Variants in PDE4D observed in about 807,000 individuals in gnomAD.
PDE4D encodes the protein phosphodiesterase 4D, also known as 3',5'-cyclic-AMP phosphodiesterase 4D.
PDE4D carries 24 observed loss-of-function variants against 87.4 expected under a neutral mutation model. That is an observed-to-expected ratio of 0.27 (90% CI 0.20 to 0.39). The LOEUF is 0.39. Ranked by LOEUF, PDE4D falls within the 10% of genes least tolerant of loss-of-function variation. The probability of loss-of-function intolerance (pLI) is 1.00; values close to 1 mark genes in which losing one functional copy is unlikely to be tolerated. For synonymous variants in PDE4D, 384 were observed against 383.2 expected (o/e 1.00, Z -0.02); for missense variants, 714 against 1,041.0 (o/e 0.69, Z 4.32).
intron 1 of PDE4D, among the ~76,000 whole-genome samples, chr5:59,288,646 AG>A (rs1285423777): frequency 4.6e-5 from 7 of 152,124 alleles, no homozygotes; most frequent in Admixed American, 2.0e-4. Context: ...GACTAGCTCA[AG>A]GCATTCAATA....
At chr5:59,553,568 T>G (rs294478) in intron 1 of PDE4D, among the ~76,000 whole-genome samples, 129,256 of 152,118 alleles carry the variant, frequency 0.85, 55,151 homozygotes, top group South Asian at 0.91. Flanking sequence ...CTCCTCAACT[T>G]TCTCCATTCT....
chr5:59,336,128 T>C (rs1051496212), intron 1 of PDE4D, among the ~76,000 whole-genome samples: 2 of 152,190 alleles, frequency 1.3e-5, no homozygotes, highest in African/African-American at 4.8e-5. Flanking sequence ...AGGAAGTTAA[T>C]TGAATCTCTG....
chr5:59,743,240 A>T (rs1422165252), intron 1 of PDE4D, among the ~76,000 whole-genome samples: 1 of 152,214 alleles, frequency 6.6e-6, no homozygotes, highest in Non-Finnish European at 1.5e-5. Context: ...AAGTAAAAAA[A>T]GATTTAAGAA....
chr5:59,690,788 C>T (rs1290239386), intron 1 of PDE4D, among the ~76,000 whole-genome samples: 1 of 152,198 alleles, frequency 6.6e-6, no homozygotes, highest in African/African-American at 2.4e-5. Context: ...AGGCAACCTA[C>T]AGAATGGGAG....
In PDE4D at chr5:58,971,642, C is replaced by T. The variant is rs1219421821; in HGVS notation, c.*3022G>A. On this transcript the variant is annotated 3_prime_UTR_variant, in exon 15 of 15. Coordinates refer to ENST00000340635, the MANE Select transcript of PDE4D (RefSeq NM_001104631.2). ...CCTTGTCTGTAATTTGTTCTATCTACATTATTGTGAATTTTAACTGATATA... is the reference window on the plus strand; with the variant it reads ...CCTTGTCTGTAATTTGTTCTATCTATATTATTGTGAATTTTAACTGATATA... 6.6e-6 allele frequency: 1 copy of T among 152,506 alleles called. No individual in the cohort carries two copies. Among genetic ancestry groups the T allele is most frequent in the Non-Finnish European group, 1.5e-5 (1 of 68,004 alleles). 9.4% of individuals were successfully genotyped at this position (152,506 alleles called of 1,614,324 possible). A position where few individuals can be genotyped will look rare whatever the true frequency, so the allele number is the denominator to read the frequency against.
intron 2 of PDE4D, among the ~76,000 whole-genome samples, chr5:60,130,382 T>G (rs1348383750): frequency 6.6e-6 from 1 of 152,140 alleles, no homozygotes; most frequent in Admixed American, 6.5e-5. Flanking sequence ...TCAGGCAAGT[T>G]CAAAGGACAT....
At chr5:59,060,288 C>T (rs1156751565) in intron 5 of PDE4D, among the ~76,000 whole-genome samples, 1 of 152,082 alleles carries the variant, frequency 6.6e-6, no homozygotes, top group Non-Finnish European at 1.5e-5. Flanking sequence ...CCATATTAAC[C>T]TCGGACTGCC....
At chr5:59,586,845 A>C in intron 1 of PDE4D, 6 of 985,482 alleles carry the variant, frequency 6.1e-6, no homozygotes, top group Non-Finnish European at 7.2e-6. Context: ...TTGCTTTGCC[A>C]TGCTGTCCTT....
chr5:59,882,715 T>C (rs527908084), intron 1 of PDE4D, among the ~76,000 whole-genome samples: 1 of 151,884 alleles, frequency 6.6e-6, no homozygotes, highest in African/African-American at 2.4e-5. Context: ...GACAATGGGG[T>C]GTTCATGTCA....
intron 1 of PDE4D, among the ~76,000 whole-genome samples, chr5:59,539,931 T>C (rs1279072622): frequency 6.6e-6 from 1 of 152,154 alleles, no homozygotes; most frequent in Non-Finnish European, 1.5e-5. Context: ...CTAGTTTAGT[T>C]AGTGTACATC....
At position 58,977,206 on chromosome 5, in the gene PDE4D, T is replaced by A; in HGVS notation, c.1692A>T (p.Lys564Asn). ...AGCTACTTACGATGTCAATGACCAT[T>A]TTCCTTAAAGATTGTCTTTGTTTTT... is the stretch of plus-strand genomic sequence containing the variant. ...LTKKQRQSLR[K>N]MVIDIVLATD... is the part of the protein sequence containing the mutation. Residue 564 changes from lysine (K) to asparagine (N), a missense_variant, in exon 12 of 15, where the codon AAA becomes AAT. Lys to Asn is a moderately conservative substitution (Grantham distance 94). Around this residue, in one of 7 missense-constraint regions of PDE4D, gnomAD observed 26 missense variants for 96.9 expected, o/e 0.27. Transcript: ENST00000340635. 6 of 1,610,314 alleles carry A rather than the reference T, an allele frequency of 3.7e-6. No homozygotes were observed. Among genetic ancestry groups the A allele is most frequent in the Non-Finnish European group, 5.1e-6 (6 of 1,178,956 alleles).
At chr5:60,466,066 G>A (rs1237139291) in intron 1 of PDE4D, among the ~76,000 whole-genome samples, 2 of 152,138 alleles carry the variant, frequency 1.3e-5, no homozygotes, top group South Asian at 2.1e-4. Flanking sequence ...CGAAACTCTA[G>A]GAACAAATGG....
intron 1 of PDE4D, among the ~76,000 whole-genome samples, chr5:59,822,018 C>T (rs1769741171): frequency 6.6e-6 from 1 of 152,012 alleles, no homozygotes; most frequent in Non-Finnish European, 1.5e-5. Flanking sequence ...TATTCCCAAT[C>T]GTTATAAATA....
At chr5:59,095,805 A>C (rs1769596576) in intron 5 of PDE4D, among the ~76,000 whole-genome samples, 1 of 152,226 alleles carries the variant, frequency 6.6e-6, no homozygotes, top group African/African-American at 2.4e-5. Flanking sequence ...AAATAATTAT[A>C]AGAATCATTC....
chr5:60,120,653 G>C (rs1489916314), intron 2 of PDE4D, among the ~76,000 whole-genome samples: 2 of 152,172 alleles, frequency 1.3e-5, no homozygotes, highest in Non-Finnish European at 2.9e-5. Context: ...GTTCCTAAGA[G>C]AGTATTGCAG....
At chr5:60,384,956 C>T (rs1240853746) in intron 1 of PDE4D, among the ~76,000 whole-genome samples, 2 of 152,168 alleles carry the variant, frequency 1.3e-5, no homozygotes, top group East Asian at 3.8e-4. Context: ...AAACCTAAAC[C>T]TTGAATCATC....
intron 2 of PDE4D, among the ~76,000 whole-genome samples, chr5:60,111,005 G>A (rs1777617716): frequency 6.6e-6 from 1 of 152,034 alleles, no homozygotes; most frequent in Non-Finnish European, 1.5e-5. Context: ...AGATTGGGAA[G>A]GATGGGGGAA....
chr5:60,337,351 C>CAAAATATATA lies in PDE4D; in HGVS notation c.-90+150590_-90+150591insTATATATTTT, dbSNP rs1491477498. Among the ~76,000 whole-genome samples, 55 of 62,246 alleles carry CAAAATATATA rather than the reference C, an allele frequency of 8.8e-4. 1 individual carries two copies. The highest frequency in any genetic ancestry group is 5.4e-3 in the South Asian group (5 of 922). 40.8% of individuals were successfully genotyped at this position (62,246 alleles called of 152,430 possible). A position where few individuals can be genotyped will look rare whatever the true frequency, so the allele number is the denominator to read the frequency against. ...TTGTCTCAAAAAACAAACAAACAAA[C>CAAAATATATA]TATATATATATATATATATATATAT... On this transcript the variant is annotated intron_variant, in intron 1 of 16. Transcript: ENST00000502484.
intron 1 of PDE4D, among the ~76,000 whole-genome samples, chr5:60,285,544 CA>C (rs903836692): frequency 1.3e-5 from 2 of 151,068 alleles, no homozygotes; most frequent in African/African-American, 4.9e-5. Flanking sequence ...TAAAAAATTA[CA>C]GGGAAGAAAA....
Sources: gnomAD v4.1 joint callset for allele counts (sites outside exome capture counted in the v4.1 genomes callset) on GRCh38, gnomAD v4.1.1 for gene constraint, gnomAD v4.1.1 regional missense constraint, MANE v1.5 for transcripts, NCBI Gene and HGNC (gene_info 2026-07-23, HGNC 2026-07-21) for gene names.